Variants in ATP2B2 observed in about 807,000 individuals in gnomAD.
The protein encoded by ATP2B2 is ATPase plasma membrane Ca2+ transporting 2, also known as plasma membrane calcium-transporting ATPase 2.
ATP2B2 carries 15 observed loss-of-function variants against 120.0 expected under a neutral mutation model. The ratio of observed to expected loss-of-function variants is 0.12; its 90% CI spans 0.08 to 0.19. The LOEUF is 0.19. ATP2B2 is among the 10% of genes least tolerant of loss of function. The probability of loss-of-function intolerance (pLI) is 1.00; values close to 1 mark genes in which losing one functional copy is unlikely to be tolerated. For synonymous variants in ATP2B2, 694 were observed against 700.3 expected (o/e 0.99, Z 0.14); for missense variants, 1,045 against 1,719.8 (o/e 0.61, Z 6.94).
intron 1 of ATP2B2, among the ~76,000 whole-genome samples, chr3:10,490,434 C>T (rs1359783885): frequency 6.9e-6 from 1 of 145,754 alleles, no homozygotes. Context: ...GATGGAGTCT[C>T]TCTCTGTCGC....
intron 1 of ATP2B2, among the ~76,000 whole-genome samples, chr3:10,473,732 G>T (rs1262865749): frequency 1.3e-5 from 2 of 152,226 alleles, no homozygotes. Flanking sequence ...GTATGTTCCA[G>T]GCAGAGTGAA....
chr3:10,356,732 T>C (rs2060742219), intron 14 of ATP2B2, among the ~76,000 whole-genome samples: 1 of 152,122 alleles, frequency 6.6e-6, no homozygotes, highest in Non-Finnish European at 1.5e-5. Flanking sequence ...GAGTTTTCAG[T>C]AACGAGATAA....
chr3:10,624,708 A>C (rs1223525180), intron 1 of ATP2B2, among the ~76,000 whole-genome samples: 1 of 152,254 alleles, frequency 6.6e-6, no homozygotes, highest in Non-Finnish European at 1.5e-5. Flanking sequence ...GCATGAATGA[A>C]TGAGTACGAA....
chr3:10,428,183 G>A (rs148525160), intron 2 of ATP2B2, among the ~76,000 whole-genome samples: 117 of 152,262 alleles, frequency 7.7e-4, no homozygotes, highest in African/African-American at 2.5e-3. Flanking sequence ...GAAAAAAGGG[G>A]ATTATACTCG....
chr3:10,423,436 G>C (rs990397), intron 2 of ATP2B2, among the ~76,000 whole-genome samples: 40,515 of 152,130 alleles, frequency 0.27, 5,688 homozygotes, highest in Middle Eastern at 0.35. Context: ...CCACAGACAC[G>C]AGGGAAGGGA....
intron 3 of ATP2B2, among the ~76,000 whole-genome samples, chr3:10,516,658 G>C (rs1056673124): frequency 6.6e-6 from 1 of 152,200 alleles, no homozygotes; most frequent in African/African-American, 2.4e-5. Context: ...CATCTGTCCT[G>C]CTTCTCTTCC....
chr3:10,611,546 C>T (rs987627585), intron 2 of ATP2B2, among the ~76,000 whole-genome samples: 6 of 152,162 alleles, frequency 3.9e-5, no homozygotes, highest in South Asian at 2.1e-4. Context: ...TGAGCCTACA[C>T]CATCAGTGAC....
chr3:10,428,180 G>T (rs1438171776), intron 2 of ATP2B2, among the ~76,000 whole-genome samples: 1 of 152,154 alleles, frequency 6.6e-6, no homozygotes, highest in African/African-American at 2.4e-5. Context: ...TCTGAAAAAA[G>T]GGGATTATAC....
chr3:10,425,548 C>T (rs1007328576), intron 2 of ATP2B2, among the ~76,000 whole-genome samples: 1 of 152,144 alleles, frequency 6.6e-6, no homozygotes, highest in Admixed American at 6.5e-5. Flanking sequence ...AACCCACGGC[C>T]TGGCTGTGAA....
intron 11 of ATP2B2, among the ~76,000 whole-genome samples, chr3:10,373,454 G>A (rs1474889205): frequency 2.0e-5 from 3 of 152,186 alleles, no homozygotes; most frequent in African/African-American, 7.2e-5. Context: ...CACATGTATT[G>A]TGACTACACC....
chr3:10,423,372 G>C (rs2063049925), intron 2 of ATP2B2, among the ~76,000 whole-genome samples: 1 of 152,176 alleles, frequency 6.6e-6, no homozygotes, highest in Non-Finnish European at 1.5e-5. Context: ...GGTCCAGGGA[G>C]GTTCAGCTCC....
intron 2 of ATP2B2, among the ~76,000 whole-genome samples, chr3:10,419,941 C>T (rs1041379553): frequency 1.3e-5 from 2 of 152,226 alleles, no homozygotes; most frequent in Non-Finnish European, 2.9e-5. Context: ...TCAGATAAAA[C>T]GAATGGTGAG....
intron 1 of ATP2B2, among the ~76,000 whole-genome samples, chr3:10,624,830 C>G (rs550742314): frequency 2.6e-5 from 4 of 152,224 alleles, no homozygotes; most frequent in African/African-American, 9.6e-5. Flanking sequence ...AAGGCAAAGC[C>G]CAATGTTGTG....
chr3:10,377,955 A>G (rs1317230021), intron 10 of ATP2B2, among the ~76,000 whole-genome samples: 1 of 152,246 alleles, frequency 6.6e-6, no homozygotes, highest in African/African-American at 2.4e-5. Context: ...ACAGAGGCTC[A>G]GAGCTAGAAG....
chr3:10,396,353 G>C (rs1161575005), intron 5 of ATP2B2, among the ~76,000 whole-genome samples: 1 of 152,240 alleles, frequency 6.6e-6, no homozygotes, highest in Admixed American at 6.5e-5. Flanking sequence ...GAGAGGTGAA[G>C]GGACCTGTCC....
intron 1 of ATP2B2, among the ~76,000 whole-genome samples, chr3:10,478,810 C>T (rs2065295779): frequency 6.6e-6 from 1 of 152,202 alleles, no homozygotes; most frequent in South Asian, 2.1e-4. Context: ...TGTGGTTTGG[C>T]TCTGTGTCCC....
chr3:10,571,356 C>A (rs1315122142), intron 2 of ATP2B2, among the ~76,000 whole-genome samples: 2 of 152,230 alleles, frequency 1.3e-5, no homozygotes, highest in Non-Finnish European at 2.9e-5. Flanking sequence ...GTAGGTGACT[C>A]GTGGCCTCAC....
At chr3:10,394,600 C>T (rs780806366) in intron 5 of ATP2B2, 6 of 449,476 alleles carry the variant, frequency 1.3e-5, no homozygotes, top group Non-Finnish European at 1.9e-5. Context: ...GTCACGGTGT[C>T]GTCCTAGGCT....
chr3:10,389,385 A>G (rs1479561205), intron 5 of ATP2B2, among the ~76,000 whole-genome samples: 1 of 152,230 alleles, frequency 6.6e-6, no homozygotes, highest in African/African-American at 2.4e-5. Context: ...GGGGAGAAAT[A>G]TGGTCTATAC....
Sources: allele counts gnomAD v4.1 joint callset (sites outside exome capture counted in the v4.1 genomes callset), GRCh38; gene constraint gnomAD v4.1.1; transcripts MANE v1.5; gene names NCBI Gene and HGNC (gene_info 2026-07-23, HGNC 2026-07-21).